PLS1: variants seen among roughly 807,000 people sequenced by gnomAD.
PLS1 encodes the protein plastin 1, also known as plastin-1.
A neutral mutation model predicts 73.7 loss-of-function variants in PLS1; 32 were observed. That is an observed-to-expected ratio of 0.43 (90% CI 0.33 to 0.58). The LOEUF (loss-of-function observed/expected upper bound fraction) is 0.58. PLS1 is among the 20% of genes least tolerant of loss of function. The probability of loss-of-function intolerance (pLI) is 0.04; values close to 1 mark genes in which losing one functional copy is unlikely to be tolerated. For synonymous variants in PLS1, 217 were observed against 261.3 expected, an observed-to-expected ratio of 0.83 and a Z score of 1.63; for missense variants, 633 against 740.5, an observed-to-expected ratio of 0.85 and a Z score of 1.68.
At chr3:142,611,841 A>T (rs2036127282) in intron 1 of PLS1, among the ~76,000 whole-genome samples, 1 of 152,050 alleles carries the variant, frequency 6.6e-6, no homozygotes, top group Admixed American at 6.6e-5. Context: ...GCCTTTTGCT[A>T]TTTGTTTTAA....
intron 1 of PLS1, among the ~76,000 whole-genome samples, chr3:142,602,222 C>T (rs562111359): frequency 3.3e-5 from 5 of 151,880 alleles, no homozygotes; most frequent in African/African-American, 1.2e-4. Context: ...TTCTGATCTG[C>T]TCCCACCCTC....
At chr3:142,639,177 G>A (rs997763633) in intron 1 of PLS1, among the ~76,000 whole-genome samples, 13 of 152,184 alleles carry the variant, frequency 8.5e-5, no homozygotes, top group African/African-American at 3.1e-4. Flanking sequence ...GTAGCAGTAC[G>A]TTTTCAGAAA....
intron 1 of PLS1, among the ~76,000 whole-genome samples, chr3:142,642,215 CT>C (rs551308371): frequency 2.2e-4 from 33 of 152,090 alleles, no homozygotes; most frequent in Admixed American, 2.0e-3. Context: ...TGATAATCTC[CT>C]TTTTGGAAAC....
At chr3:142,654,362 T>G (rs1399077287) in intron 1 of PLS1, among the ~76,000 whole-genome samples, 1 of 152,234 alleles carries the variant, frequency 6.6e-6, no homozygotes, top group African/African-American at 2.4e-5. Context: ...TATTATTTTT[T>G]TGAGACAGAA....
chr3:142,649,247 G>T (rs1188951469), intron 1 of PLS1, among the ~76,000 whole-genome samples: 1 of 147,522 alleles, frequency 6.8e-6, no homozygotes, highest in Non-Finnish European at 1.5e-5. Flanking sequence ...GGCTGAGGTG[G>T]ATCATCTGAG....
At chr3:142,647,225 C>T (rs1324588487) in intron 1 of PLS1, among the ~76,000 whole-genome samples, 1 of 152,112 alleles carries the variant, frequency 6.6e-6, no homozygotes, top group East Asian at 1.9e-4. Context: ...ACCATCATTG[C>T]CACTGAGAAA....
At chr3:142,630,034 G>C (rs1011168575) in intron 1 of PLS1, among the ~76,000 whole-genome samples, 1 of 152,014 alleles carries the variant, frequency 6.6e-6, no homozygotes, top group Admixed American at 6.6e-5. Flanking sequence ...AAGACCTAAG[G>C]GTCAAACTCT....
At position 142,684,299 on chromosome 3, in the gene PLS1, G is replaced by A. The variant is rs372540479; in HGVS notation, c.792G>A (p.Met264Ile). The change falls in exon 8 of 16, where the codon ATG becomes ATA. Residue 264 changes from methionine (M) to isoleucine (I), a missense_variant. Physicochemically the swap from Met to Ile is conservative, Grantham distance 10. Coordinates refer to ENST00000457734, the MANE Select transcript of PLS1 (RefSeq NM_001145319.2). ...AAGGTGAGGAACTAGAGGAGCTGAT[G>A]AAGCTTTCTCCCGAGGAATTACTGC... ...LNEGEELEEL[M>I]KLSPEELLLR... 1.9e-5 allele frequency: 30 copies of A among 1,614,130 alleles called. No homozygotes were observed. The African/African-American group carries it at 3.7e-4, about 20-fold the overall frequency.
chr3:142,681,963 C>A (rs898572708), intron 6 of PLS1, among the ~76,000 whole-genome samples: 1 of 152,106 alleles, frequency 6.6e-6, no homozygotes, highest in Non-Finnish European at 1.5e-5. Flanking sequence ...ACATCAAAAG[C>A]GGTTTTTCTC....
intron 1 of PLS1, among the ~76,000 whole-genome samples, chr3:142,654,186 G>A (rs1457031719): frequency 6.6e-6 from 1 of 152,052 alleles, no homozygotes; most frequent in East Asian, 1.9e-4. Flanking sequence ...AGTAGGGAGG[G>A]GATGTAGGTA....
intron 1 of PLS1, among the ~76,000 whole-genome samples, chr3:142,621,628 AT>A (rs1030246890): frequency 3.9e-5 from 6 of 152,190 alleles, no homozygotes; most frequent in African/African-American, 1.4e-4. Context: ...AAGATTGAAA[AT>A]TTATAACATT....
At chr3:142,619,766 A>C (rs570879869) in intron 1 of PLS1, 5 of 152,326 alleles carry the variant, frequency 3.3e-5, no homozygotes, top group Admixed American at 3.3e-4. Flanking sequence ...AAACAAAAGA[A>C]CATTGCTAAT....
At chr3:142,598,961 A>T (rs553332729) in intron 1 of PLS1, among the ~76,000 whole-genome samples, 2 of 151,946 alleles carry the variant, frequency 1.3e-5, no homozygotes, top group Non-Finnish European at 2.9e-5. Flanking sequence ...AGATTGTGCC[A>T]CTGCACTCCA....
chr3:142,699,076 G>C (rs2038272078), intron 12 of PLS1, among the ~76,000 whole-genome samples: 1 of 152,094 alleles, frequency 6.6e-6, no homozygotes, highest in Non-Finnish European at 1.5e-5. Flanking sequence ...ACAGGGAGGG[G>C]AACATCACAT....
At chr3:142,622,734 A>G (rs755874566) in intron 1 of PLS1, among the ~76,000 whole-genome samples, 2 of 152,234 alleles carry the variant, frequency 1.3e-5, no homozygotes, top group South Asian at 2.1e-4. Flanking sequence ...CCCGTGGGGC[A>G]TCTTCTGGTT....
intron 8 of PLS1, among the ~76,000 whole-genome samples, chr3:142,685,547 C>A (rs566736156): frequency 1.2e-4 from 19 of 152,314 alleles, no homozygotes; most frequent in Non-Finnish European, 2.4e-4. Context: ...AGGCCTCAGT[C>A]ACATGTCTGG....
In PLS1 at chr3:142,700,818, C is replaced by G. The variant is rs143589855; in HGVS notation, c.1371+2751C>G. 2.9e-4 allele frequency among the ~76,000 whole-genome samples: 44 copies of G among 152,234 alleles called. No individual in the cohort carries two copies. In the East Asian group the frequency reaches 7.9e-3, roughly 27 times the overall value. ...ATATTCCCATGTGTTGTGGGAGGGACCCAGTGGGAGATAATTTGAATCATG... is the reference window on the plus strand; with the variant it reads ...ATATTCCCATGTGTTGTGGGAGGGAGCCAGTGGGAGATAATTTGAATCATG... On this transcript the variant is annotated intron_variant, in intron 12 of 15. Coordinates refer to ENST00000457734, the MANE Select transcript of PLS1 (RefSeq NM_001145319.2).
chr3:142,609,489 T>G (rs745640540), intron 1 of PLS1, among the ~76,000 whole-genome samples: 1 of 152,222 alleles, frequency 6.6e-6, no homozygotes, highest in Non-Finnish European at 1.5e-5. Flanking sequence ...ACTCACAGCC[T>G]GTTGGCTAGA....
intron 4 of PLS1, among the ~76,000 whole-genome samples, chr3:142,672,429 A>G (rs2037623536): frequency 7.1e-6 from 1 of 140,740 alleles, no homozygotes; most frequent in Non-Finnish European, 1.5e-5. Flanking sequence ...TGCAAGCTCC[A>G]CTTCCCAGGT....
Sources: allele counts gnomAD v4.1 joint callset (sites outside exome capture counted in the v4.1 genomes callset), GRCh38; gene constraint gnomAD v4.1.1; transcripts MANE v1.5; gene names NCBI Gene and HGNC (gene_info 2026-07-23, HGNC 2026-07-21).